The following BCR variants were observed in gnomAD, a reference collection of about 807,000 sequenced individuals.
BCR encodes breakpoint cluster region protein.
Under a neutral mutation model 138.6 loss-of-function variants are expected in BCR, and 58 were observed. The observed-to-expected ratio is 0.42, with a 90% CI of 0.34 to 0.52. The LOEUF (loss-of-function observed/expected upper bound fraction) is 0.52. Ranked by LOEUF, BCR falls within the 20% of genes least tolerant of loss-of-function variation. The pLI is 0.06. For synonymous variants in BCR, 786 were observed against 730.1 expected (o/e 1.08, Z -1.23); for missense variants, 1,599 against 1,727.2 (o/e 0.93, Z 1.32).
chr22:23,233,530 G>A (rs1229124335), intron 1 of BCR, among the ~76,000 whole-genome samples: 2 of 152,192 alleles, frequency 1.3e-5, no homozygotes, highest in Non-Finnish European at 1.5e-5. Flanking sequence ...GCTCGTGCCT[G>A]TAATCCCAGC....
chr22:23,273,795 C>G (rs372221162), intron 8 of BCR, 21 bp downstream of exon 8: 2 of 1,613,012 alleles, frequency 1.2e-6, no homozygotes, highest in Non-Finnish European at 1.7e-6. Flanking sequence ...CAGGGGATGG[C>G]TTGGGTCCAC....
Position 23,307,387 on chromosome 22 carries a change from G to A in BCR, c.3013-2037G>A, listed in dbSNP as rs1411163414. The stretch of plus-strand genomic sequence containing the variant: ...TCAAAGTGCTGATATCACAGGCAGG[G>A]TTTCCATTTTTTAAAGCTCCCAGCA... On this transcript the variant is annotated intron_variant, in intron 16 of 22. Coordinates refer to ENST00000305877, the MANE Select transcript of BCR (RefSeq NM_004327.4). 6.7e-5 allele frequency among the ~76,000 whole-genome samples: 10 copies of A among 150,156 alleles called. No individual in the cohort carries two copies. The South Asian group carries it at 1.1e-3, about 16-fold the overall frequency.
intron 1 of BCR, among the ~76,000 whole-genome samples, chr22:23,248,228 C>T (rs1401940368): frequency 6.6e-6 from 1 of 152,002 alleles, no homozygotes; most frequent in African/African-American, 2.4e-5. Context: ...CTTGTAATCA[C>T]AGCTACTTGG....
intron 1 of BCR, chr22:23,199,267 G>A (rs1490173959): frequency 1.9e-6 from 1 of 518,748 alleles, no homozygotes; most frequent in Non-Finnish European, 3.8e-6. Context: ...GCAAGAGCCA[G>A]GAAGGCTCTA....
chr22:23,199,453 G>A (rs974117032), intron 1 of BCR: 2 of 393,432 alleles, frequency 5.1e-6, no homozygotes, highest in Non-Finnish European at 5.1e-6. Flanking sequence ...ATGGGCTGGC[G>A]GGCTGGGAGA....
chr22:23,232,158 T>C (rs1167991312), intron 1 of BCR, among the ~76,000 whole-genome samples: 1 of 152,262 alleles, frequency 6.6e-6, no homozygotes, highest in Non-Finnish European at 1.5e-5. Flanking sequence ...CTGCTGGTTT[T>C]AGAGCTCCTG....
intron 1 of BCR, among the ~76,000 whole-genome samples, chr22:23,197,821 G>A (rs1406926039): frequency 2.0e-5 from 3 of 152,066 alleles, no homozygotes; most frequent in Non-Finnish European, 4.4e-5. Context: ...GAGGGGCGGT[G>A]GGGAGGAATG....
At chr22:23,301,037 G>C (rs1324546773) in intron 16 of BCR, among the ~76,000 whole-genome samples, 1 of 152,226 alleles carries the variant, frequency 6.6e-6, no homozygotes, top group African/African-American at 2.4e-5. Flanking sequence ...GATGAAGAGA[G>C]ATGCACCTGT....
At chr22:23,247,167 A>G (rs187832228) in intron 1 of BCR, among the ~76,000 whole-genome samples, 1 of 152,278 alleles carries the variant, frequency 6.6e-6, no homozygotes, top group East Asian at 1.9e-4. Flanking sequence ...ACCTGGGAGA[A>G]GATGGGAGGC....
At chr22:23,194,512 G>A (rs983496267) in intron 1 of BCR, among the ~76,000 whole-genome samples, 6 of 151,566 alleles carry the variant, frequency 4.0e-5, no homozygotes, top group African/African-American at 1.2e-4. Context: ...CCAGGTTCAC[G>A]CCATTCTCCT....
intron 1 of BCR, among the ~76,000 whole-genome samples, chr22:23,197,092 G>GGTTATT (rs1376031299): frequency 6.6e-6 from 1 of 152,182 alleles, no homozygotes; most frequent in Non-Finnish European, 1.5e-5. Context: ...ACGACATTTT[G>GGTTATT]GTTATTGATG....
At position 23,295,187 on chromosome 22, in the gene BCR, G is replaced by A. The variant is rs1361658131; in HGVS notation, c.3012+32G>A. On this transcript the variant is annotated intron_variant, in intron 16 of 22. Coordinates refer to ENST00000305877, the MANE Select transcript of BCR (RefSeq NM_004327.4). ...CAGCCATCCCTACCCTCCCCTGCCC[G>A]ATGCATGGCGTCCTTTTTCATGCAG... The A allele has an allele frequency of 1.2e-5, 17 of 1,476,788 alleles. No homozygotes were observed. The East Asian group carries it at 3.0e-4, about 26-fold the overall frequency. 91.5% of individuals were successfully genotyped at this position (1,476,788 alleles called of 1,614,324 possible). A position where few individuals can be genotyped will look rare whatever the true frequency, so the allele number is the denominator to read the frequency against.
At chr22:23,260,227 C>G (rs1029010208) in intron 2 of BCR, among the ~76,000 whole-genome samples, 4 of 152,182 alleles carry the variant, frequency 2.6e-5, no homozygotes, top group African/African-American at 7.2e-5. Context: ...GAGACAAAAA[C>G]AGTAGAGCTT....
chr22:23,205,665 TTACTC>T (rs1330617527), intron 1 of BCR, among the ~76,000 whole-genome samples: 1 of 152,128 alleles, frequency 6.6e-6, no homozygotes, highest in African/African-American at 2.4e-5. Context: ...TTTTTTTACT[TTACTC>T]TACAGTATTG....
intron 15 of BCR, among the ~76,000 whole-genome samples, chr22:23,293,774 G>A (rs2073815663): frequency 6.6e-6 from 1 of 152,022 alleles, no homozygotes; most frequent in African/African-American, 2.4e-5. Flanking sequence ...TCTGGACTTG[G>A]GGACACTCAC....
At chr22:23,304,451 T>C (rs969134605) in intron 16 of BCR, among the ~76,000 whole-genome samples, 1 of 152,232 alleles carries the variant, frequency 6.6e-6, no homozygotes, top group Non-Finnish European at 1.5e-5. Flanking sequence ...ATTGCATACA[T>C]ATAACATGTT....
At chr22:23,212,737 A>G (rs1277269176) in intron 1 of BCR, among the ~76,000 whole-genome samples, 1 of 152,210 alleles carries the variant, frequency 6.6e-6, no homozygotes, top group Non-Finnish European at 1.5e-5. Flanking sequence ...GCTCACTCCA[A>G]TTCTGATGGA....
rs756768491 is a variant in BCR, at chr22:23,290,353, G to A, written c.2722G>A (p.Gly908Arg). The change falls in exon 14 of 23, where the codon GGG becomes AGG. Residue 908 changes from glycine (G) to arginine (R), a missense_variant. This residue lies in a region of BCR where 590 missense variants were observed against 762.4 expected (regional missense o/e 0.77). Transcript: ENST00000305877. ...TINKEDDESP[G>R]LYGFLNVIVH... The stretch of plus-strand genomic sequence containing the variant: ...CTCTTGCGCAGATGATGAGTCTCCG[G>A]GGCTCTATGGGTTTCTGAATGTCAT... The A allele has an allele frequency of 1.9e-6, 3 of 1,613,946 alleles. No homozygotes were observed. The East Asian group carries it at 6.7e-5, about 36-fold the overall frequency.
rs542940160 is a variant in BCR, at chr22:23,262,716, C to T, written c.1752+1176C>T. 1,679 of 800,414 alleles carry T rather than the reference C, an allele frequency of 2.1e-3. 4 individuals carry two copies. Among genetic ancestry groups the T allele is most frequent in the Non-Finnish European group, 2.4e-3 (1,590 of 661,148 alleles). 49.6% of individuals were successfully genotyped at this position (800,414 alleles called of 1,614,324 possible). A position where few individuals can be genotyped will look rare whatever the true frequency, so the allele number is the denominator to read the frequency against. ...TGGCGGGCCCGGGTGAGGGCGGGCC[C>T]GGGTGAGGGCGGGGGCGGAGAGGCG... On this transcript the variant is annotated intron_variant, in intron 4 of 22. Coordinates refer to ENST00000305877, the MANE Select transcript of BCR (RefSeq NM_004327.4).
Sources: gnomAD v4.1 joint callset for allele counts (sites outside exome capture counted in the v4.1 genomes callset) on GRCh38, gnomAD v4.1.1 for gene constraint, gnomAD v4.1.1 regional missense constraint, MANE v1.5 for transcripts, NCBI Gene and HGNC (gene_info 2026-07-23, HGNC 2026-07-21) for gene names.